KPNA7: variants seen among roughly 807,000 people sequenced by gnomAD.
KPNA7 encodes the protein importin subunit alpha-8.
In KPNA7, 54 loss-of-function variants were observed where a neutral mutation model predicts 53.7. The ratio of observed to expected loss-of-function variants is 1.01; its 90% confidence interval spans 0.81 to 1.26. KPNA7 has a LOEUF of 1.26. KPNA7 is among the 50% of genes most tolerant of loss of function. The pLI, the probability that KPNA7 is intolerant of heterozygous loss-of-function variation, is 0.00. For missense variants in KPNA7, 640 were observed against 644.5 expected (o/e 0.99, Z 0.07); for synonymous variants, 276 against 259.3 (o/e 1.06, Z -0.62).
intron 8 of KPNA7, among the ~76,000 whole-genome samples, chr7:99,182,371 A>T (rs1789305771): frequency 1.3e-5 from 2 of 152,032 alleles, no homozygotes; most frequent in African/African-American, 4.8e-5. Context: ...CTAATTTTTT[A>T]TATTTTTAGT....
chr7:99,166,996 T>G, the KPNA7 span, among the ~76,000 whole-genome samples: 1 of 152,210 alleles, frequency 6.6e-6, no homozygotes, highest in Non-Finnish European at 1.5e-5. Flanking sequence ...ATATGAAAAG[T>G]GAAGGGGACC....
the KPNA7 span, among the ~76,000 whole-genome samples, chr7:99,149,518 T>C: frequency 6.6e-6 from 1 of 152,222 alleles, no homozygotes; most frequent in Non-Finnish European, 1.5e-5. Context: ...AGCAAGCTCT[T>C]GGTAAATGGC....
At chr7:99,162,845 T>C in the KPNA7 span, among the ~76,000 whole-genome samples, 1 of 152,080 alleles carries the variant, frequency 6.6e-6, no homozygotes, top group Non-Finnish European at 1.5e-5. Context: ...TGCTTTAAGA[T>C]GTTGAAAAAG....
At chr7:99,208,478 T>C (rs986914251), upstream of KPNA7, among the ~76,000 whole-genome samples, 1 of 151,884 alleles carries the variant, frequency 6.6e-6, no homozygotes, top group Admixed American at 6.6e-5. Flanking sequence ...GGATGGTCTC[T>C]ATCTCCTGAC....
At chr7:99,180,549 GTCTGTC>G (rs796994255) in intron 9 of KPNA7, among the ~76,000 whole-genome samples, 4,722 of 57,206 alleles carry the variant, frequency 0.083, 250 homozygotes, top group African/African-American at 0.16. Flanking sequence ...GTCTGTCTCC[GTCTGTC>G]TCTGTCTCTG....
chr7:99,184,556 C>T (rs1341929886), intron 8 of KPNA7, among the ~76,000 whole-genome samples: 1 of 152,100 alleles, frequency 6.6e-6, no homozygotes, highest in Admixed American at 6.6e-5. Flanking sequence ...ATGATATCAC[C>T]ATAGCATGAT....
chr7:99,176,385 T>C (rs1182552243), intron 10 of KPNA7, among the ~76,000 whole-genome samples: 2 of 151,774 alleles, frequency 1.3e-5, no homozygotes, highest in African/African-American at 4.8e-5. Context: ...TACCACTTTA[T>C]ACCCATGAGA....
intron 3 of KPNA7, among the ~76,000 whole-genome samples, chr7:99,202,797 G>T (rs1204918218): frequency 6.6e-6 from 1 of 152,088 alleles, no homozygotes; most frequent in South Asian, 2.1e-4. Context: ...AATGAGCTCT[G>T]ATTGTGCCAC....
At chr7:99,212,488 AGGTG>A (rs1791101964), upstream of KPNA7, among the ~76,000 whole-genome samples, 1 of 151,802 alleles carries the variant, frequency 6.6e-6, no homozygotes, top group Non-Finnish European at 1.5e-5. Context: ...TCCTGACCTC[AGGTG>A]GCCCACCCGC....
chr7:99,214,139 T>C (rs1563093854), intron 1 of KPNA7, among the ~76,000 whole-genome samples: 1 of 151,936 alleles, frequency 6.6e-6, no homozygotes, highest in Non-Finnish European at 1.5e-5. Context: ...AAGCATGAGA[T>C]CACCACCATG....
the KPNA7 span, among the ~76,000 whole-genome samples, chr7:99,148,931 T>G: frequency 3.0e-5 from 4 of 133,856 alleles, no homozygotes; most frequent in African/African-American, 1.1e-4. Context: ...AGTCTTGCAG[T>G]GTCGCCCAGG....
At chr7:99,197,765 G>T (rs1396488961) in intron 3 of KPNA7, among the ~76,000 whole-genome samples, 1 of 152,136 alleles carries the variant, frequency 6.6e-6, no homozygotes, top group Non-Finnish European at 1.5e-5. Flanking sequence ...TAGGTTAATT[G>T]GAATTATCCA....
intron 7 of KPNA7, among the ~76,000 whole-genome samples, chr7:99,185,537 G>A (rs1400354461): frequency 1.3e-5 from 2 of 151,832 alleles, no homozygotes; most frequent in Non-Finnish European, 2.9e-5. Flanking sequence ...TGTAGAGACG[G>A]GGGTCTTGCT....
intron 2 of KPNA7, among the ~76,000 whole-genome samples, chr7:99,205,171 C>A (rs1212961348): frequency 3.9e-5 from 6 of 151,930 alleles, no homozygotes; most frequent in Middle Eastern, 3.2e-3. Context: ...TGCCTGTAAT[C>A]CCAGCACTTT....
chr7:99,161,268 T>TCTCTCTCCCC, the KPNA7 span, among the ~76,000 whole-genome samples: 18 of 123,092 alleles, frequency 1.5e-4, no homozygotes, highest in African/African-American at 5.7e-4. Context: ...TCTCTCTCTC[T>TCTCTCTCCCC]CTGATCACTT....
In KPNA7 at chr7:99,193,079, A is replaced by G. The variant is rs544951017; in HGVS notation, c.576T>C (p.Asp192=). 2.7e-6 allele frequency: 4 copies of G among 1,504,610 alleles called. No individual in the cohort carries two copies. The highest frequency in any genetic ancestry group is 3.5e-6 in the Non-Finnish European group (4 of 1,128,840). 93.2% of individuals were successfully genotyped at this position (1,504,610 alleles called of 1,614,324 possible). ...NIAGDGPEFR[D]NVITSNAIPH... is the part of the protein sequence containing the mutation. The stretch of plus-strand genomic sequence containing the variant: ...GGATGGCATTGCTTGTGATGACGTT[A>G]TCTCTGAACTCTGGGCCATCACCTA... Residue 192 remains aspartate, a synonymous_variant, in exon 6 of 11, where the codon GAT becomes GAC. Transcript: ENST00000327442.
At chr7:99,207,301 G>T in intron 2 of KPNA7, 100 bp downstream of exon 2, 3 of 926,790 alleles carry the variant, frequency 3.2e-6, no homozygotes, top group Non-Finnish European at 5.2e-6. Context: ...TCAAAGTGTT[G>T]GGATTACAGG....
chr7:99,193,023 A>T lies in KPNA7; in HGVS notation c.632T>A (p.Leu211Gln), dbSNP rs1374673893. ...PHLLALISPTLPITFLRNITW... is the reference protein window; with the variant it reads ...PHLLALISPTQPITFLRNITW... ...GAGAAAGAAAAAGACACTTACCGGC[A>T]GGGTGGGTGAAATCAAGGCTAGGAG... The change falls in exon 6 of 11, where the codon CTG becomes CAG. Residue 211 changes from leucine (L) to glutamine (Q), a missense_variant. Transcript: ENST00000327442. 2.7e-6 allele frequency: 4 copies of T among 1,496,946 alleles called. No individual in the cohort carries two copies. The African/African-American group carries it at 5.7e-5, about 21-fold the overall frequency. The allele number at this position is 1,496,946 out of a possible 1,614,324, so 92.7% of individuals were successfully genotyped here.
intron 4 of KPNA7, 140 bp from the exon 5 acceptor site, chr7:99,195,478 C>G: frequency 1.4e-6 from 1 of 740,534 alleles, no homozygotes. Flanking sequence ...CACTTGAGGT[C>G]GCAAGGTCAG....
Sources: allele counts gnomAD v4.1 joint callset (sites outside exome capture counted in the v4.1 genomes callset), GRCh38; gene constraint gnomAD v4.1.1; transcripts MANE v1.5; gene names NCBI Gene and HGNC (gene_info 2026-07-23, HGNC 2026-07-21).